Variants in LHFPL6 observed in about 807,000 individuals in gnomAD.
LHFPL6 encodes LHFPL tetraspan subfamily member 6 protein.
Under a neutral mutation model 20.6 loss-of-function variants are expected in LHFPL6, and 9 were observed. The observed-to-expected ratio is 0.44, with a 90% CI of 0.26 to 0.76. LHFPL6 has a LOEUF of 0.76. Among genes scored for constraint, LHFPL6 ranks in the 30% least tolerant of loss-of-function variants. The pLI is 0.20. For synonymous variants in LHFPL6, 105 were observed against 98.7 expected (o/e 1.06, Z -0.38); for missense variants, 218 against 253.5 (o/e 0.86, Z 0.95).
chr13:39,490,175 T>G (rs977077143), intron 2 of LHFPL6, among the ~76,000 whole-genome samples: 1 of 151,964 alleles, frequency 6.6e-6, no homozygotes, highest in African/African-American at 2.4e-5. Context: ...CTTCACTGAG[T>G]GCAAAACACG....
At chr13:39,419,831 C>T (rs1169906434) in intron 2 of LHFPL6, among the ~76,000 whole-genome samples, 3 of 151,962 alleles carry the variant, frequency 2.0e-5, no homozygotes, top group African/African-American at 7.3e-5. Flanking sequence ...GTAAACCTCA[C>T]CAATATAGGT....
chr13:39,514,414 T>C (rs941568472), intron 2 of LHFPL6, among the ~76,000 whole-genome samples: 1 of 152,228 alleles, frequency 6.6e-6, no homozygotes, highest in Non-Finnish European at 1.5e-5. Flanking sequence ...GTGTACTCAC[T>C]GTTTACACCA....
At chr13:39,404,999 C>T (rs1871084616) in intron 2 of LHFPL6, among the ~76,000 whole-genome samples, 1 of 152,192 alleles carries the variant, frequency 6.6e-6, no homozygotes, top group Non-Finnish European at 1.5e-5. Context: ...CTAACAGGTA[C>T]TGTGGAGTGA....
intron 2 of LHFPL6, among the ~76,000 whole-genome samples, chr13:39,381,956 G>A (rs1426430544): frequency 6.6e-6 from 1 of 152,134 alleles, no homozygotes; most frequent in African/African-American, 2.4e-5. Flanking sequence ...CATATGCGTT[G>A]TTGAAGTATG....
chr13:39,352,918 TATATAA>T (rs1869620614), intron 3 of LHFPL6, among the ~76,000 whole-genome samples: 1 of 59,606 alleles, frequency 1.7e-5, no homozygotes. Flanking sequence ...AATGTATATA[TATATAA>T]ATGTATATAT....
intron 2 of LHFPL6, among the ~76,000 whole-genome samples, chr13:39,592,874 T>C (rs984697964): frequency 1.3e-5 from 2 of 152,150 alleles, no homozygotes; most frequent in African/African-American, 2.4e-5. Flanking sequence ...ACAAAAACCG[T>C]ATGATTATCT....
intron 3 of LHFPL6, among the ~76,000 whole-genome samples, chr13:39,377,519 T>C (rs1870320535): frequency 6.6e-6 from 1 of 152,192 alleles, no homozygotes; most frequent in African/African-American, 2.4e-5. Context: ...CATCATAACA[T>C]GTCTTAAAAC....
At chr13:39,496,581 C>G (rs1398792947) in intron 2 of LHFPL6, among the ~76,000 whole-genome samples, 1 of 152,140 alleles carries the variant, frequency 6.6e-6, no homozygotes, top group African/African-American at 2.4e-5. Context: ...TGCAAAGGAC[C>G]AGATGTCTGA....
intron 3 of LHFPL6, among the ~76,000 whole-genome samples, chr13:39,345,646 G>A (rs1869382618): frequency 6.6e-6 from 1 of 151,334 alleles, no homozygotes; most frequent in Non-Finnish European, 1.5e-5. Context: ...ACCAGCGTTT[G>A]ACTACTGCAT....
At chr13:39,395,714 A>T (rs560439304) in intron 2 of LHFPL6, among the ~76,000 whole-genome samples, 59 of 152,284 alleles carry the variant, frequency 3.9e-4, no homozygotes, top group Non-Finnish European at 6.0e-4. Flanking sequence ...TACAAGAATG[A>T]ATTTCCCACT....
Position 39,448,380 on chromosome 13 carries a change from T to C in LHFPL6, c.386-69854A>G, listed in dbSNP as rs185021958. ...CTGTACTGCACATTTATTCATCAGG[T>C]AGGAAAGTGGGGAAGTTTGCAAAAT... On this transcript the variant is annotated intron_variant, in intron 2 of 3. Transcript: ENST00000379589. Among the ~76,000 whole-genome samples, 20 of 152,202 alleles carry C rather than the reference T, an allele frequency of 1.3e-4. No individual in the cohort carries two copies. In the East Asian group the frequency reaches 2.1e-3, roughly 16 times the overall value.
At chr13:39,450,674 C>T (rs984799354) in intron 2 of LHFPL6, among the ~76,000 whole-genome samples, 5 of 152,096 alleles carry the variant, frequency 3.3e-5, no homozygotes, top group Admixed American at 6.6e-5. Flanking sequence ...TGATTTGAAC[C>T]ACTAAATAGT....
rs538831234 is a variant in LHFPL6 at position 39,531,925 on chromosome 13, G to T, written c.385+68907C>A. On this transcript the variant is annotated intron_variant, in intron 2 of 3. Coordinates refer to ENST00000379589, the MANE Select transcript of LHFPL6 (RefSeq NM_005780.3). Reference sequence around the variant, plus strand: ...GGGTGTCAAAAGCAGCCACGAGACAGGTTTGGCTTTCGTGTTTTCAAGTAT... The same window carrying T: ...GGGTGTCAAAAGCAGCCACGAGACATGTTTGGCTTTCGTGTTTTCAAGTAT... 2.6e-5 allele frequency among the ~76,000 whole-genome samples: 4 copies of T among 152,248 alleles called. No homozygotes were observed. The South Asian group carries it at 8.3e-4, about 32-fold the overall frequency.
At chr13:39,374,559 G>A (rs1055606098) in intron 3 of LHFPL6, among the ~76,000 whole-genome samples, 1 of 151,012 alleles carries the variant, frequency 6.6e-6, no homozygotes, top group African/African-American at 2.4e-5. Context: ...AAAAAAAAAA[G>A]TTCTATTGGG....
chr13:39,602,782 C>T (rs1173147203), intron 1 of LHFPL6, 101 bp downstream of exon 1: 1 of 152,376 alleles, frequency 6.6e-6, no homozygotes, highest in South Asian at 2.1e-4. Context: ...TCAGGAAGTC[C>T]GGAGCCCGGG....
At chr13:39,563,386 A>T (rs1298792031) in intron 2 of LHFPL6, among the ~76,000 whole-genome samples, 1 of 152,186 alleles carries the variant, frequency 6.6e-6, no homozygotes, top group Non-Finnish European at 1.5e-5. Flanking sequence ...CAGAAACAAA[A>T]TAGAGAGATA....
At chr13:39,457,117 C>A (rs951556877) in intron 2 of LHFPL6, among the ~76,000 whole-genome samples, 39 of 152,084 alleles carry the variant, frequency 2.6e-4, no homozygotes, top group African/African-American at 8.9e-4. Flanking sequence ...ACAAAGATTT[C>A]TTAAGCACAA....
intron 2 of LHFPL6, among the ~76,000 whole-genome samples, chr13:39,417,454 C>T (rs1451261142): frequency 3.3e-5 from 5 of 152,006 alleles, no homozygotes; most frequent in Admixed American, 2.0e-4. Flanking sequence ...TTTGAAAATA[C>T]ATCTTTCTAT....
chr13:39,417,739 C>T (rs540589990), intron 2 of LHFPL6, among the ~76,000 whole-genome samples: 16 of 150,874 alleles, frequency 1.1e-4, no homozygotes, highest in African/African-American at 3.2e-4. Flanking sequence ...CCCAGCCAGG[C>T]GGAGCTCCTG....
Sources: allele counts gnomAD v4.1 joint callset (sites outside exome capture counted in the v4.1 genomes callset), GRCh38; gene constraint gnomAD v4.1.1; transcripts MANE v1.5; gene names NCBI Gene and HGNC (gene_info 2026-07-23, HGNC 2026-07-21).